Variants in EPC1 observed in about 807,000 individuals in gnomAD.
EPC1 encodes the protein enhancer of polycomb 1.
EPC1 carries 12 observed loss-of-function variants against 98.4 expected under a neutral mutation model. The observed-to-expected ratio is 0.12, with a 90% confidence interval of 0.08 to 0.20. The LOEUF is 0.20. Ranked by LOEUF, EPC1 falls within the 10% of genes least tolerant of loss-of-function variation. The probability of loss-of-function intolerance (pLI) is 1.00; values close to 1 mark genes in which losing one functional copy is unlikely to be tolerated. For missense variants in EPC1, 729 were observed against 990.5 expected, an observed-to-expected ratio of 0.74 and a Z score of 3.54; for synonymous variants, 357 against 363.9, an observed-to-expected ratio of 0.98 and a Z score of 0.21.
chr10:32,372,275 C>CACA, intron 1 of EPC1, among the ~76,000 whole-genome samples: 1 of 152,254 alleles, frequency 6.6e-6, no homozygotes, highest in African/African-American at 2.4e-5. Flanking sequence ...CTAGGGCACA[C>CACA]CAAAGTTTGC....
rs150858943 is a variant in EPC1, at chr10:32,341,331, CTGTG to C, written c.153+5428_153+5431del. On this transcript the variant is annotated intron_variant, in intron 1 of 13. Coordinates refer to ENST00000319778, the MANE Select transcript of EPC1 (RefSeq NM_001272004.3). ...TGGACACATGTCTGTGTGTGTGTGT[CTGTG>C]TGTGTGTATAGATTCTATGTTTCTA... Among the ~76,000 whole-genome samples, 495 of 151,180 alleles carry C rather than the reference CTGTG, an allele frequency of 3.3e-3. 2 individuals are homozygous for C. Among genetic ancestry groups the C allele is most frequent in the African/African-American group, 0.011 (464 of 41,384 alleles).
At chr10:32,292,313 CT>C (rs1834893572) in intron 5 of EPC1, 182 bp downstream of exon 5, 1 of 419,726 alleles carries the variant, frequency 2.4e-6, no homozygotes, top group Non-Finnish European at 4.0e-6. Flanking sequence ...AATCCAGTCA[CT>C]TTTAAAGAAA....
At chr10:32,336,222 C>T (rs1837960799) in intron 1 of EPC1, among the ~76,000 whole-genome samples, 1 of 152,030 alleles carries the variant, frequency 6.6e-6, no homozygotes, top group Non-Finnish European at 1.5e-5. Context: ...GCGTCTGCCG[C>T]CATGTCCAGT....
intron 2 of EPC1, among the ~76,000 whole-genome samples, chr10:32,303,825 T>C (rs1201780600): frequency 6.6e-6 from 1 of 152,224 alleles, no homozygotes; most frequent in Non-Finnish European, 1.5e-5. Context: ...AAACTCTAGA[T>C]TGTACCAATT....
chr10:32,280,488 C>A (rs887039993), intron 10 of EPC1, among the ~76,000 whole-genome samples: 1 of 150,568 alleles, frequency 6.6e-6, no homozygotes, highest in East Asian at 2.0e-4. Flanking sequence ...CGCCTGTAAT[C>A]CCAGCATATT....
Position 32,293,678 on chromosome 10 carries a change from C to G in EPC1, c.373G>C (p.Val125Leu), listed in dbSNP as rs373064089. The change falls in exon 3 of 14, where the codon GTG becomes CTG. Residue 125 changes from valine to leucine, a missense_variant. Coordinates refer to ENST00000319778, the MANE Select transcript of EPC1 (RefSeq NM_001272004.3). ...YDLDSEDEVF[V>L]NKLKKKMDIC... Reference sequence around the variant, plus strand: ...TCCATTTTCTTTTTCAGTTTATTCACAAATACTTCATCTTCAGAATCCAAA... The same window carrying G: ...TCCATTTTCTTTTTCAGTTTATTCAGAAATACTTCATCTTCAGAATCCAAA... 6.8e-6 allele frequency: 11 copies of G among 1,613,586 alleles called. No individual in the cohort carries two copies. In the East Asian group the frequency reaches 1.3e-4, roughly 20 times the overall value.
chr10:32,292,555 T>C lies in EPC1; in HGVS notation c.756A>G (p.Lys252=). The change falls in exon 5 of 14, where the codon AAA becomes AAG. Residue 252 remains lysine (K), a synonymous_variant. Coordinates refer to ENST00000319778, the MANE Select transcript of EPC1 (RefSeq NM_001272004.3). ...SRAVTILEMI[K]RREKSKRELL... ...GCTCTCTTTTACTTTTTTCTCTTCT[T>C]TTTATCATCTCTAGAATAGTAACAG... 6.2e-7 allele frequency: 1 copy of C among 1,607,146 alleles called. No individual in the cohort carries two copies. Among genetic ancestry groups the C allele is most frequent in the Non-Finnish European group, 8.5e-7 (1 of 1,177,914 alleles).
upstream of EPC1, chr10:32,347,294 C>T (rs1389956433): frequency 8.9e-5 from 72 of 808,502 alleles, no homozygotes; most frequent in Non-Finnish European, 1.1e-4. Context: ...CGGCACCCGC[C>T]GGCCTCGCTT....
chr10:32,377,712 T>C (rs1188279215), intron 1 of EPC1, among the ~76,000 whole-genome samples: 1 of 152,152 alleles, frequency 6.6e-6, no homozygotes. Context: ...TCTTCCTTTT[T>C]TCTTTTAGTG....
intron 13 of EPC1, 116 bp from the exon 14 acceptor site, chr10:32,269,251 G>T (rs1835719963): frequency 1.3e-6 from 1 of 777,612 alleles, no homozygotes; most frequent in African/African-American, 1.7e-5. Context: ...GGACTCTTTG[G>T]GAACAAGCTA....
Position 32,364,001 on chromosome 10 carries a change from C to CCTTTTTTTTTTTTTTTTTTTTT in EPC1, c.3+14489_3+14490insAAAAAAAAAAAAAAAAAAAAAG, listed in dbSNP as rs770520611. Among the ~76,000 whole-genome samples, 49 of 61,840 alleles carry CCTTTTTTTTTTTTTTTTTTTTT rather than the reference C, an allele frequency of 7.9e-4. 23 individuals are homozygous for CCTTTTTTTTTTTTTTTTTTTTT. The highest frequency in any genetic ancestry group is 9.2e-4 in the African/African-American group (16 of 17,482). The allele number at this position is 61,840 out of a possible 152,430, so 40.6% of individuals were successfully genotyped here. A position where few individuals can be genotyped will look rare whatever the true frequency, so the allele number is the denominator to read the frequency against. ...AATAGTATCGTGTCCATCATGTTGG[C>CCTTTTTTTTTTTTTTTTTTTTT]ATTTTTTTTTTTTTTTTTTTTTTTT... is the stretch of plus-strand genomic sequence containing the variant. On this transcript the variant is annotated intron_variant, in intron 1 of 13. Coordinates refer to the EPC1 transcript ENST00000375110.
chr10:32,337,754 A>T (rs754777747), intron 1 of EPC1, among the ~76,000 whole-genome samples: 1 of 152,148 alleles, frequency 6.6e-6, no homozygotes, highest in Non-Finnish European at 1.5e-5. Context: ...AGCTATTCCA[A>T]AGAGTTGACT....
intron 2 of EPC1, among the ~76,000 whole-genome samples, chr10:32,299,232 C>T (rs1410251252): frequency 6.6e-6 from 1 of 152,122 alleles, no homozygotes; most frequent in Non-Finnish European, 1.5e-5. Flanking sequence ...GTCACCCAGA[C>T]TGGAGTGCAG....
intron 1 of EPC1, among the ~76,000 whole-genome samples, chr10:32,357,305 C>T (rs1839307000): frequency 1.3e-5 from 2 of 152,156 alleles, no homozygotes; most frequent in African/African-American, 4.8e-5. Flanking sequence ...ATTTGGTTTC[C>T]CAAACACGAG....
At chr10:32,273,483 A>T (rs1835936095) in intron 10 of EPC1, among the ~76,000 whole-genome samples, 1 of 150,956 alleles carries the variant, frequency 6.6e-6, no homozygotes. Context: ...GAATTTAAAG[A>T]AAAAAAAAAT....
intron 2 of EPC1, among the ~76,000 whole-genome samples, chr10:32,296,099 GT>G (rs542131000): frequency 2.1e-4 from 31 of 145,662 alleles, no homozygotes; most frequent in Admixed American, 2.8e-4. Context: ...AATTTTCGTA[GT>G]TTTTTTTTTT....
intron 10 of EPC1, among the ~76,000 whole-genome samples, chr10:32,279,769 G>T (rs1173908225): frequency 6.6e-6 from 1 of 152,012 alleles, no homozygotes; most frequent in Non-Finnish European, 1.5e-5. Context: ...GTCAGTCACT[G>T]AACACTCAAC....
intron 1 of EPC1, among the ~76,000 whole-genome samples, chr10:32,374,048 G>A (rs1839821479): frequency 6.6e-6 from 1 of 152,078 alleles, no homozygotes; most frequent in African/African-American, 2.4e-5. Context: ...TTAATAAATA[G>A]TTCCTTCTCC....
chr10:32,330,592 C>T (rs1291408410), intron 1 of EPC1, among the ~76,000 whole-genome samples: 1 of 152,064 alleles, frequency 6.6e-6, no homozygotes, highest in African/African-American at 2.4e-5. Context: ...CATTATTTCC[C>T]AATTGATAAG....
Sources: gnomAD v4.1 joint callset for allele counts (sites outside exome capture counted in the v4.1 genomes callset) on GRCh38, gnomAD v4.1.1 for gene constraint, MANE v1.5 for transcripts, NCBI Gene and HGNC (gene_info 2026-07-23, HGNC 2026-07-21) for gene names.